The following CPSF4L variants were observed in gnomAD, a reference collection of about 807,000 sequenced individuals.
The protein encoded by CPSF4L is cleavage and polyadenylation specific factor 4 like, also known as putative cleavage and polyadenylation specificity factor subunit 4-like protein.
In CPSF4L, 18 loss-of-function variants were observed where a neutral mutation model predicts 24.0. The ratio of observed to expected loss-of-function variants is 0.75; its 90% CI spans 0.52 to 1.11. The LOEUF (loss-of-function observed/expected upper bound fraction) is 1.11. Ranked by LOEUF, CPSF4L falls within the 50% of genes least tolerant of loss-of-function variation. The pLI, the probability that CPSF4L is intolerant of heterozygous loss-of-function variation, is 0.00. For missense variants in CPSF4L, 211 were observed against 221.8 expected (o/e 0.95, Z 0.31); for synonymous variants, 72 against 77.2 (o/e 0.93, Z 0.35).
chr17:73,252,814 G>T, intron 4 of CPSF4L, 91 bp from the exon 5 acceptor site: 1 of 770,390 alleles, frequency 1.3e-6, no homozygotes, highest in Non-Finnish European at 2.1e-6. Flanking sequence ...GGTGTGGATG[G>T]TCATAGGGGC....
Position 73,253,924 on chromosome 17 carries a change from G to A in CPSF4L, c.403+7C>T, listed in dbSNP as rs1304579610. ...CCCCTAGGGCTCCCTGGCTTCCAAG[G>A]CCTCACCGTCCTTGCAGAAACCTTG... On this transcript the variant is annotated splice_region_variant and intron_variant, in intron 4 of 5. Coordinates refer to ENST00000344935, the MANE Select transcript of CPSF4L (RefSeq NM_001129885.1). 4.5e-6 allele frequency: 7 copies of A among 1,547,464 alleles called. No homozygotes were observed. Among genetic ancestry groups the A allele is most frequent in the Non-Finnish European group, 6.1e-6 (7 of 1,143,594 alleles).
intron 3 of CPSF4L, among the ~76,000 whole-genome samples, chr17:73,257,381 A>G (rs1024112768): frequency 2.0e-4 from 30 of 151,878 alleles, no homozygotes; most frequent in Admixed American, 1.9e-3. Context: ...AGACATTTCA[A>G]TATAGTCAGG....
At chr17:73,243,365 G>T in the CPSF4L span, among the ~76,000 whole-genome samples, 1 of 151,938 alleles carries the variant, frequency 6.6e-6, no homozygotes, top group Non-Finnish European at 1.5e-5. Context: ...TGTGGGTCAG[G>T]CTGGTCTCGA....
chr17:73,254,683 G>A (rs546529055), intron 3 of CPSF4L, among the ~76,000 whole-genome samples: 3 of 152,098 alleles, frequency 2.0e-5, no homozygotes, highest in African/African-American at 7.2e-5. Context: ...TTACTCTGTT[G>A]CCCAGGCTGG....
downstream of CPSF4L, chr17:73,247,094 T>G (rs901542985): frequency 1.8e-5 from 12 of 677,710 alleles, no homozygotes; most frequent in Non-Finnish European, 3.0e-5. Context: ...TGTTTTTGTA[T>G]GTAGTCAAAA....
At chr17:73,247,453 A>G (rs1018359161), downstream of CPSF4L, 9 of 1,043,844 alleles carry the variant, frequency 8.6e-6, no homozygotes, top group East Asian at 2.4e-5. Context: ...GCATTAAGGG[A>G]TAGCTTTTCA....
Position 73,261,804 on chromosome 17 carries a change from A to G in CPSF4L, c.15T>C (p.Ile5=). 1.3e-6 allele frequency: 2 copies of G among 1,551,670 alleles called. No homozygotes were observed. Among genetic ancestry groups the G allele is most frequent in the Non-Finnish European group, 8.7e-7 (1 of 1,146,924 alleles). Residue 5 remains isoleucine (I), a synonymous_variant, in exon 1 of 6, where the codon ATT becomes ATC. Transcript: ENST00000344935. MQEV[I]AGLERFTFAF... is the part of the protein sequence containing the mutation. ...CAAAGGTGAACCGCTCTAGCCCCGC[A>G]ATGACCTCTTGCATCTTCCGTCTCC...
At chr17:73,263,593 C>T (rs990040537), upstream of CPSF4L, among the ~76,000 whole-genome samples, 11 of 149,244 alleles carry the variant, frequency 7.4e-5, no homozygotes, top group Non-Finnish European at 1.3e-4. Flanking sequence ...TTGGCAGAAG[C>T]GGGGGTAAAG....
At chr17:73,242,954 C>T in the CPSF4L span, 6 of 1,613,884 alleles carry the variant, frequency 3.7e-6, no homozygotes, top group African/African-American at 1.3e-5. Flanking sequence ...TCACGATGCT[C>T]TTCACAGGAT....
chr17:73,254,641 C>CATT (rs893644069), intron 3 of CPSF4L, among the ~76,000 whole-genome samples: 26 of 152,088 alleles, frequency 1.7e-4, no homozygotes, highest in Non-Finnish European at 2.9e-4. Context: ...ACCCAAGTGT[C>CATT]ATTATTATTA....
At chr17:73,262,258 T>C (rs1254100358), upstream of CPSF4L, 1 of 155,412 alleles carries the variant, frequency 6.4e-6, no homozygotes, top group Non-Finnish European at 1.4e-5. Flanking sequence ...CTGCCAGAGC[T>C]GGGGGTGGTG....
chr17:73,250,357 G>A (rs754870384), intron 5 of CPSF4L: 2 of 1,547,358 alleles, frequency 1.3e-6, no homozygotes, highest in Non-Finnish European at 1.7e-6. Flanking sequence ...GATTTCTAAA[G>A]ATGTCTAGGG....
chr17:73,260,572 G>A (rs1391430593), intron 2 of CPSF4L, among the ~76,000 whole-genome samples: 6 of 151,988 alleles, frequency 3.9e-5, no homozygotes, highest in Non-Finnish European at 4.4e-5. Flanking sequence ...TTTGAGACCC[G>A]CCTGGCCAAC....
At chr17:73,242,874 A>G in the CPSF4L span, 1 of 1,596,466 alleles carries the variant, frequency 6.3e-7, no homozygotes, top group Middle Eastern at 1.8e-4. Flanking sequence ...TGTAACAACA[A>G]GCCGTGTTTC....
chr17:73,257,579 G>T, intron 3 of CPSF4L, 102 bp downstream of exon 3: 3 of 1,251,640 alleles, frequency 2.4e-6, no homozygotes, highest in African/African-American at 1.5e-5. Context: ...CCAGGGACAT[G>T]TCCAGCCTCC....
At chr17:73,259,924 G>GT (rs886392387) in intron 2 of CPSF4L, among the ~76,000 whole-genome samples, 13 of 152,020 alleles carry the variant, frequency 8.6e-5, no homozygotes, top group African/African-American at 2.7e-4. Flanking sequence ...CTGGAAGCCA[G>GT]TTTTTTTTGG....
intron 5 of CPSF4L, among the ~76,000 whole-genome samples, chr17:73,249,567 C>A (rs2061994240): frequency 6.6e-6 from 1 of 152,128 alleles, no homozygotes; most frequent in Non-Finnish European, 1.5e-5. Context: ...TGTCTTTTTA[C>A]CAAGGTGGGG....
chr17:73,263,568 G>A (rs576236232), upstream of CPSF4L, among the ~76,000 whole-genome samples: 73 of 152,042 alleles, frequency 4.8e-4, no homozygotes, highest in Non-Finnish European at 8.7e-4. Flanking sequence ...CTGAGGAGGC[G>A]CTCAAGGGTT....
At chr17:73,250,974 C>T (rs1446066495) in intron 5 of CPSF4L, 1 of 1,533,790 alleles carries the variant, frequency 6.5e-7, no homozygotes, top group Non-Finnish European at 8.8e-7. Context: ...TTTGTCCACC[C>T]TGTGGCACAG....
Sources: allele counts gnomAD v4.1 joint callset (sites outside exome capture counted in the v4.1 genomes callset), GRCh38; gene constraint gnomAD v4.1.1; transcripts MANE v1.5; gene names NCBI Gene and HGNC (gene_info 2026-07-23, HGNC 2026-07-21).